GLIS3: variants seen among roughly 807,000 people sequenced by gnomAD.
GLIS3 encodes the protein GLIS family zinc finger 3.
In GLIS3, 53 loss-of-function variants were observed where a neutral mutation model predicts 78.6. The ratio of observed to expected loss-of-function variants is 0.67; its 90% CI spans 0.54 to 0.85. The LOEUF (loss-of-function observed/expected upper bound fraction) is 0.85, where lower values mean the gene tolerates loss of function less well. Among genes scored for constraint, GLIS3 ranks in the 40% least tolerant of loss-of-function variants. GLIS3 has a pLI of 0.00. For synonymous variants in GLIS3, 684 were observed against 509.9 expected (o/e 1.34, Z -4.60); for missense variants, 1,703 against 1,231.1 (o/e 1.38, Z -5.74).
the GLIS3 span, among the ~76,000 whole-genome samples, chr9:4,358,921 T>G: frequency 5.3e-5 from 8 of 152,206 alleles, no homozygotes; most frequent in Non-Finnish European, 8.8e-5. Flanking sequence ...ACTCCAAGAC[T>G]TTCAGGCTGG....
chr9:3,982,780 G>T (rs1819410555), intron 4 of GLIS3, among the ~76,000 whole-genome samples: 1 of 152,144 alleles, frequency 6.6e-6, no homozygotes, highest in South Asian at 2.1e-4. Flanking sequence ...AAGTTGGCTT[G>T]CATCTCAACT....
At chr9:3,976,772 G>C (rs943448185) in intron 4 of GLIS3, among the ~76,000 whole-genome samples, 1 of 101,718 alleles carries the variant, frequency 9.8e-6, no homozygotes, top group African/African-American at 3.8e-5. Flanking sequence ...TCTATGGCAT[G>C]GGAGACAGAA....
Position 4,286,103 on chromosome 9 carries a change from C to G in GLIS3, c.323G>C (p.Gly108Ala). 1 of 1,613,416 alleles carries G rather than the reference C, an allele frequency of 6.2e-7. No individual in the cohort carries two copies. The highest frequency in any genetic ancestry group is 1.7e-5 in the Admixed American group (1 of 60,006). Reference sequence around the variant, plus strand: ...CTGCTTTGGCTTTAAAGTATGTGACCCTGACATGCCTCCAGCCTGGGTGAC... The same window carrying G: ...CTGCTTTGGCTTTAAAGTATGTGACGCTGACATGCCTCCAGCCTGGGTGAC... ...FQVTQAGGMS[G>A]SHTLKPKQQE... The change falls in exon 2 of 11, where the codon GGG (glycine) becomes GCG (alanine). Residue 108 changes from glycine (G) to alanine (A), a missense_variant. Gly to Ala is a moderately conservative substitution (Grantham distance 60). Coordinates refer to ENST00000381971, the MANE Select transcript of GLIS3 (RefSeq NM_001042413.2).
the GLIS3 span, among the ~76,000 whole-genome samples, chr9:4,388,879 C>A: frequency 6.6e-6 from 1 of 152,058 alleles, no homozygotes; most frequent in Admixed American, 6.6e-5. Context: ...TAAGCTGCTC[C>A]TGGAACAGAA....
rs529418802 is a variant in GLIS3, at chr9:4,118,151, G to A, written c.1327C>T (p.Leu443=). Residue 443 remains leucine, a synonymous_variant, in exon 4 of 11, where the codon CTA becomes TTA. Coordinates refer to ENST00000381971, the MANE Select transcript of GLIS3 (RefSeq NM_001042413.2). The surrounding 1 kb of genome is among the most constrained non-coding windows in gnomAD (Gnocchi z 4.7). ...LEEFPGSTVD[L]PPAPPLPPLP... ...GGAGGGAGCGGAGGCGCGGGGGGTA[G>A]GTCTACGGTGCTGCCCGGGAACTCC... is the stretch of plus-strand genomic sequence containing the variant. The A allele has an allele frequency of 2.8e-4, 439 of 1,557,876 alleles. 2 individuals carry two copies. In the Admixed American group the frequency reaches 7.8e-3, roughly 28 times the overall value.
intron 2 of GLIS3, among the ~76,000 whole-genome samples, chr9:4,266,925 T>A (rs766301441): frequency 6.6e-6 from 1 of 152,192 alleles, no homozygotes; most frequent in African/African-American, 2.4e-5. Flanking sequence ...AATAAACCCA[T>A]AAATTTTACA....
At chr9:4,431,021 C>G in the GLIS3 span, among the ~76,000 whole-genome samples, 1 of 152,208 alleles carries the variant, frequency 6.6e-6, no homozygotes, top group African/African-American at 2.4e-5. Context: ...CACATTTTCT[C>G]AATCTTTCCT....
chr9:4,229,203 G>C (rs756874465), intron 2 of GLIS3, among the ~76,000 whole-genome samples: 5 of 152,228 alleles, frequency 3.3e-5, no homozygotes, highest in Non-Finnish European at 7.3e-5. Context: ...TGAGGAGGAA[G>C]CCTGAAGGCA....
intron 2 of GLIS3, among the ~76,000 whole-genome samples, chr9:4,233,558 G>A (rs1459532389): frequency 1.3e-5 from 2 of 152,220 alleles, no homozygotes; most frequent in Non-Finnish European, 2.9e-5. Context: ...GACGTAAAGA[G>A]ATGTGCTCTC....
chr9:4,155,518 G>A (rs1243373634), intron 2 of GLIS3, among the ~76,000 whole-genome samples: 1 of 152,098 alleles, frequency 6.6e-6, no homozygotes, highest in Admixed American at 6.5e-5. Context: ...AACTCAAAAC[G>A]TTTGTGCCTT....
chr9:4,321,378 C>G (rs1243220442), intron 2 of GLIS3, among the ~76,000 whole-genome samples: 4 of 110,542 alleles, frequency 3.6e-5, no homozygotes, highest in Non-Finnish European at 6.4e-5. Flanking sequence ...GCCGAGATGG[C>G]GCCACTGCAC....
intron 4 of GLIS3, among the ~76,000 whole-genome samples, chr9:3,980,419 C>A (rs985794877): frequency 6.6e-6 from 1 of 152,164 alleles, no homozygotes; most frequent in African/African-American, 2.4e-5. Flanking sequence ...TATCTCTCTC[C>A]TCACCCTGAA....
chr9:4,349,952 G>A (rs974793706), upstream of GLIS3, among the ~76,000 whole-genome samples: 1 of 152,208 alleles, frequency 6.6e-6, no homozygotes, highest in Non-Finnish European at 1.5e-5. Context: ...CTGCTGCAGA[G>A]GCTGTGGGTG....
chr9:4,069,853 T>C (rs1827438266), intron 4 of GLIS3, among the ~76,000 whole-genome samples: 1 of 152,008 alleles, frequency 6.6e-6, no homozygotes, highest in African/African-American at 2.4e-5. Context: ...AAGGACACTA[T>C]GCCTTCTCCA....
chr9:4,352,428 T>G (rs922766832), upstream of GLIS3, among the ~76,000 whole-genome samples: 1 of 152,242 alleles, frequency 6.6e-6, no homozygotes, highest in Non-Finnish European at 1.5e-5. Context: ...TGTGAGGGTA[T>G]GGGGACATAG....
chr9:4,484,404 ATTTTTTTTTTTTTT>A, the GLIS3 span, among the ~76,000 whole-genome samples: 7 of 49,736 alleles, frequency 1.4e-4, no homozygotes, highest in African/African-American at 1.8e-4. Context: ...TGCCAGGCTA[ATTTTTTTTTTTTTT>A]TTTTTTTTTT....
intron 2 of GLIS3, among the ~76,000 whole-genome samples, chr9:4,255,863 G>T (rs138211423): frequency 6.6e-6 from 1 of 151,974 alleles, no homozygotes; most frequent in African/African-American, 2.4e-5. Context: ...ATGGACTCTG[G>T]GTAATCATGA....
chr9:3,873,687 C>A (rs967221), intron 8 of GLIS3, among the ~76,000 whole-genome samples: 148,854 of 152,068 alleles, frequency 0.98, 72,843 homozygotes, highest in Non-Finnish European at 1. Context: ...AAAATAAAGT[C>A]AAAGAAAAAG....
At chr9:4,413,968 T>C in the GLIS3 span, among the ~76,000 whole-genome samples, 1 of 152,150 alleles carries the variant, frequency 6.6e-6, no homozygotes, top group Non-Finnish European at 1.5e-5. Flanking sequence ...TACAGACCTG[T>C]GGCCAGATGT....
Sources: gnomAD v4.1 joint callset for allele counts (sites outside exome capture counted in the v4.1 genomes callset) on GRCh38, gnomAD v4.1.1 for gene constraint, Gnocchi (gnomAD v3.1) non-coding constraint, MANE v1.5 for transcripts, NCBI Gene and HGNC (gene_info 2026-07-23, HGNC 2026-07-21) for gene names.